The following IRAK1BP1 variants were observed in gnomAD, a reference collection of about 807,000 sequenced individuals.
IRAK1BP1 encodes the protein interleukin-1 receptor-associated kinase 1-binding protein 1.
Under a neutral mutation model 28.0 loss-of-function variants are expected in IRAK1BP1, and 24 were observed. The ratio of observed to expected loss-of-function variants is 0.86; its 90% CI spans 0.62 to 1.20. The LOEUF is 1.20. Among genes scored for constraint, IRAK1BP1 ranks in the 50% most tolerant of loss-of-function variants. The pLI, the probability that IRAK1BP1 is intolerant of heterozygous loss-of-function variation, is 0.00. For synonymous variants in IRAK1BP1, 131 were observed against 116.3 expected (o/e 1.13, Z -0.81); for missense variants, 336 against 316.7 (o/e 1.06, Z -0.46).
At chr6:78,958,588 G>C in the IRAK1BP1 span, 3 of 1,566,408 alleles carry the variant, frequency 1.9e-6, no homozygotes, top group South Asian at 3.4e-5. Flanking sequence ...CCCACATTAG[G>C]GAAGAAACCC....
At chr6:78,911,381 A>G (rs9361467) in intron 4 of IRAK1BP1, among the ~76,000 whole-genome samples, 67,842 of 151,504 alleles carry the variant, frequency 0.45, 15,778 homozygotes, top group East Asian at 0.69. Context: ...ATCCCTTTAT[A>G]TTCCCCAGTC....
At chr6:78,876,085 A>G (rs886942802) in intron 1 of IRAK1BP1, among the ~76,000 whole-genome samples, 14 of 152,056 alleles carry the variant, frequency 9.2e-5, no homozygotes, top group African/African-American at 2.4e-4. Context: ...TAGAATTGTA[A>G]TCCCTATGTG....
chr6:78,879,022 G>C (rs1687259331), intron 1 of IRAK1BP1, among the ~76,000 whole-genome samples: 1 of 152,148 alleles, frequency 6.6e-6, no homozygotes, highest in South Asian at 2.1e-4. Context: ...ACGTCTGATT[G>C]GTGTACCTGA....
At chr6:78,908,144 G>A (rs946585392) in intron 4 of IRAK1BP1, among the ~76,000 whole-genome samples, 3 of 151,284 alleles carry the variant, frequency 2.0e-5, no homozygotes, top group East Asian at 1.9e-4. Flanking sequence ...TCTGCCTCCC[G>A]GGTTCAAGCA....
At chr6:78,950,418 T>C (rs1450867216), downstream of IRAK1BP1, among the ~76,000 whole-genome samples, 1 of 152,162 alleles carries the variant, frequency 6.6e-6, no homozygotes, top group Non-Finnish European at 1.5e-5. Context: ...TTGTGTAGAA[T>C]TTGTGTTAAT....
intron 4 of IRAK1BP1, among the ~76,000 whole-genome samples, chr6:78,934,695 G>A (rs1773197649): frequency 6.6e-6 from 1 of 152,148 alleles, no homozygotes; most frequent in South Asian, 2.1e-4. Context: ...ATCACCACTG[G>A]CTATTTGAAC....
the IRAK1BP1 span, chr6:78,970,908 T>C: frequency 6.6e-7 from 1 of 1,517,962 alleles, no homozygotes; most frequent in Non-Finnish European, 9.1e-7. Flanking sequence ...AAAGTCATAA[T>C]CTTACAACCT....
intron 1 of IRAK1BP1, among the ~76,000 whole-genome samples, chr6:78,873,478 T>C (rs1322806846): frequency 6.6e-6 from 1 of 151,930 alleles, no homozygotes; most frequent in African/African-American, 2.4e-5. Context: ...CATAAAGCTA[T>C]ATAACTTTTT....
chr6:78,910,990 G>C (rs7758407), intron 4 of IRAK1BP1, among the ~76,000 whole-genome samples: 11,817 of 152,298 alleles, frequency 0.078, 591 homozygotes, highest in African/African-American at 0.14. Flanking sequence ...GCTTTATCTT[G>C]TGCGGTGACG....
Position 78,885,462 on chromosome 6 carries a change from A to G in IRAK1BP1, c.381+19A>G, listed in dbSNP as rs772670343. 5 of 1,246,730 alleles carry G rather than the reference A, an allele frequency of 4.0e-6. No homozygotes were observed. In the East Asian group the frequency reaches 1.2e-4, roughly 31 times the overall value. 77.2% of individuals were successfully genotyped at this position (1,246,730 alleles called of 1,614,324 possible). A position where few individuals can be genotyped will look rare whatever the true frequency, so the allele number is the denominator to read the frequency against. ...AGCAGAGGTATGTACTTAACAAATA[A>G]TTGGAAGCAGCATGATTTTGTGGAG... On this transcript the variant is annotated intron_variant, in intron 2 of 3. Coordinates refer to ENST00000369940, the MANE Select transcript of IRAK1BP1 (RefSeq NM_001010844.4).
chr6:78,873,418 T>A (rs1770868176), intron 1 of IRAK1BP1, among the ~76,000 whole-genome samples: 1 of 152,154 alleles, frequency 6.6e-6, no homozygotes, highest in African/African-American at 2.4e-5. Context: ...TCTGTATTTT[T>A]TTCTACCTTT....
At chr6:78,887,181 A>C (rs568443400) in intron 2 of IRAK1BP1, among the ~76,000 whole-genome samples, 1 of 152,318 alleles carries the variant, frequency 6.6e-6, no homozygotes, top group African/African-American at 2.4e-5. Flanking sequence ...TATACAACTC[A>C]GTAGAAGAAA....
In IRAK1BP1 at chr6:78,887,708, T is replaced by C. The variant is rs1771480775; in HGVS notation, c.381+2265T>C. Among the ~76,000 whole-genome samples the C allele has an allele frequency of 4.0e-5, 6 of 151,816 alleles. No homozygotes were observed. In the South Asian group the frequency reaches 1.2e-3, roughly 32 times the overall value. ...CAACAACAACAACAACAGAAGACAG[T>C]GTCGATGAGAAAGTGGAAAAATTAG... On this transcript the variant is annotated intron_variant, in intron 2 of 3. Transcript: ENST00000369940.
At chr6:78,904,816 A>G (rs949550113), downstream of IRAK1BP1, among the ~76,000 whole-genome samples, 1 of 152,196 alleles carries the variant, frequency 6.6e-6, no homozygotes, top group African/African-American at 2.4e-5. Context: ...TCAAAGTTTA[A>G]TGTCAACAAA....
chr6:78,933,594 A>G (rs1018021482), intron 4 of IRAK1BP1, among the ~76,000 whole-genome samples: 5 of 152,258 alleles, frequency 3.3e-5, no homozygotes, highest in Middle Eastern at 3.4e-3. Flanking sequence ...CAGCCTGGGC[A>G]ACAAGAGCAA....
chr6:78,953,041 TG>T, the IRAK1BP1 span, among the ~76,000 whole-genome samples: 19 of 152,212 alleles, frequency 1.2e-4, no homozygotes, highest in Admixed American at 6.5e-4. Context: ...ATATAGGTGT[TG>T]TTTTTTTTTT....
intron 1 of IRAK1BP1, chr6:78,871,730 AG>A (rs1176814544): frequency 5.0e-6 from 1 of 201,882 alleles, no homozygotes; most frequent in African/African-American, 2.3e-5. Context: ...GGTCACAGCC[AG>A]GAAGTGGCAG....
intron 4 of IRAK1BP1, among the ~76,000 whole-genome samples, chr6:78,911,852 A>G (rs1772431772): frequency 1.3e-5 from 2 of 152,188 alleles, no homozygotes; most frequent in South Asian, 4.1e-4. Context: ...CTGTCAATCT[A>G]CATGGCCAGG....
In IRAK1BP1 at chr6:78,899,543, A is replaced by G. The variant is rs1292005649; in HGVS notation, c.*1209A>G. On this transcript the variant is annotated 3_prime_UTR_variant, in exon 4 of 4. Coordinates refer to ENST00000369940, the MANE Select transcript of IRAK1BP1 (RefSeq NM_001010844.4). Reference sequence around the variant, plus strand: ...GAGTGATACAAATACAAAGCAAACGATATGTGTAATTTAAAATTTCCTAGT... The same window carrying G: ...GAGTGATACAAATACAAAGCAAACGGTATGTGTAATTTAAAATTTCCTAGT... The G allele has an allele frequency of 6.6e-6, 1 of 152,212 alleles. No individual in the cohort carries two copies. The highest frequency in any genetic ancestry group is 1.5e-5 in the Non-Finnish European group (1 of 68,032). The allele number at this position is 152,212 out of a possible 1,614,324, so 9.4% of individuals were successfully genotyped here.
Sources: allele counts gnomAD v4.1 joint callset (sites outside exome capture counted in the v4.1 genomes callset), GRCh38; gene constraint gnomAD v4.1.1; transcripts MANE v1.5; gene names NCBI Gene and HGNC (gene_info 2026-07-23, HGNC 2026-07-21).